RYR3: variants seen among roughly 807,000 people sequenced by gnomAD.
RYR3 encodes ryanodine receptor 3.
A neutral mutation model predicts 584.3 loss-of-function variants in RYR3; 207 were observed. The ratio of observed to expected loss-of-function variants is 0.35; its 90% CI spans 0.32 to 0.40. The LOEUF (loss-of-function observed/expected upper bound fraction) is 0.40. Ranked by LOEUF, RYR3 falls within the 10% of genes least tolerant of loss-of-function variation. The probability of loss-of-function intolerance (pLI) is 1.00; values close to 1 mark genes in which losing one functional copy is unlikely to be tolerated. For missense variants in RYR3, 5,616 were observed against 6,089.2 expected (o/e 0.92, Z 2.59); for synonymous variants, 2,416 against 2,248.5 (o/e 1.07, Z -2.11).
chr15:33,361,818 G>T (rs1359779053), intron 1 of RYR3, among the ~76,000 whole-genome samples: 2 of 152,190 alleles, frequency 1.3e-5, no homozygotes, highest in African/African-American at 4.8e-5. Context: ...TACTCCCAGT[G>T]ACTTGAAGCT....
chr15:33,672,731 T>C (rs928515127), intron 38 of RYR3, among the ~76,000 whole-genome samples: 1 of 152,242 alleles, frequency 6.6e-6, no homozygotes, highest in Non-Finnish European at 1.5e-5. Context: ...GCGTATCTGA[T>C]TTCTATTACC....
intron 16 of RYR3, among the ~76,000 whole-genome samples, chr15:33,597,759 G>A (rs1029394575): frequency 3.3e-5 from 5 of 151,914 alleles, no homozygotes; most frequent in African/African-American, 1.2e-4. Context: ...TATAGTTTAA[G>A]AGCTTTTATT....
Position 33,820,798 on chromosome 15 carries a change from GA to G in RYR3, c.10807del (p.Thr3603HisfsTer31). On this transcript the variant is annotated frameshift_variant, in exon 78 of 104. Coordinates refer to ENST00000634891, the MANE Select transcript of RYR3 (RefSeq NM_001036.6). LOFTEE classifies it high-confidence loss of function. ...GEDEEEDEDK[E>X]KTFEEKEMEK... ...GGATGAAGAAGAAGATGAAGACAAGGAAAAAACATTCGAAGTAAGTTCTCAT... is the reference window on the plus strand; with the variant it reads ...GGATGAAGAAGAAGATGAAGACAAGGAAAAACATTCGAAGTAAGTTCTCAT... 6.2e-7 allele frequency: 1 copy of G among 1,600,224 alleles called. No homozygotes were observed. The highest frequency in any genetic ancestry group is 8.5e-7 in the Non-Finnish European group (1 of 1,173,154).
intron 1 of RYR3, among the ~76,000 whole-genome samples, chr15:33,466,281 A>T (rs995486753): frequency 2.0e-5 from 3 of 152,210 alleles, no homozygotes; most frequent in African/African-American, 7.2e-5. Flanking sequence ...AACCAAGGAG[A>T]CTGAGTATGA....
At chr15:33,455,198 G>A (rs2047448353) in intron 1 of RYR3, among the ~76,000 whole-genome samples, 1 of 152,184 alleles carries the variant, frequency 6.6e-6, no homozygotes, top group South Asian at 2.1e-4. Context: ...TCACCGTGCA[G>A]GGAGGGCAGA....
chr15:33,530,520 T>TTATATA, intron 3 of RYR3, 72 bp from the exon 4 acceptor site: 1 of 1,023,138 alleles, frequency 9.8e-7, no homozygotes. Context: ...TCTCCCAGAA[T>TTATATA]TATTGTGTTG....
At chr15:33,655,516 A>T (rs1295403244) in intron 32 of RYR3, among the ~76,000 whole-genome samples, 1 of 152,214 alleles carries the variant, frequency 6.6e-6, no homozygotes, top group East Asian at 1.9e-4. Flanking sequence ...GGACACTGTG[A>T]CAGCTTTAGC....
chr15:33,350,673 C>T (rs1018018769), intron 1 of RYR3, among the ~76,000 whole-genome samples: 3 of 151,816 alleles, frequency 2.0e-5, no homozygotes, highest in South Asian at 4.2e-4. Flanking sequence ...GGGTACATAA[C>T]GAAATGAAGG....
rs118069640 is a variant in RYR3 at position 33,728,287 on chromosome 15, A to G, written c.7034-570A>G. On this transcript the variant is annotated intron_variant, in intron 46 of 103. Coordinates refer to ENST00000634891, the MANE Select transcript of RYR3 (RefSeq NM_001036.6). ...GAAAATGGACATGGCACACCATTAGATTGTATTCCTAACACACAAATACAA... is the reference window on the plus strand; with the variant it reads ...GAAAATGGACATGGCACACCATTAGGTTGTATTCCTAACACACAAATACAA... Among the ~76,000 whole-genome samples, 3 of 152,204 alleles carry G rather than the reference A, an allele frequency of 2.0e-5. 1 individual carries two copies. The highest frequency in any genetic ancestry group is 2.0e-4 in the Admixed American group (3 of 15,292).
At chr15:33,713,457 G>A (rs1240469277) in intron 43 of RYR3, among the ~76,000 whole-genome samples, 1 of 151,834 alleles carries the variant, frequency 6.6e-6, no homozygotes, top group Non-Finnish European at 1.5e-5. Flanking sequence ...GGTGGTGCAT[G>A]GTCATATAGG....
chr15:33,343,508 A>T (rs1270695007), intron 1 of RYR3, among the ~76,000 whole-genome samples: 1 of 151,894 alleles, frequency 6.6e-6, no homozygotes, highest in Non-Finnish European at 1.5e-5. Flanking sequence ...CCGCAGTTTG[A>T]TTTCCCAGAT....
Position 33,339,355 on chromosome 15 carries a change from G to A in RYR3, c.51+28259G>A, listed in dbSNP as rs573771775. Among the ~76,000 whole-genome samples the A allele has an allele frequency of 3.9e-5, 6 of 152,316 alleles. No individual in the cohort carries two copies. The South Asian group carries it at 1.2e-3, about 32-fold the overall frequency. ...TGCCCGTATTTTGGAGAGGATGAAA[G>A]ACTAAGGCCAGTGACCAGGGAACGA... On this transcript the variant is annotated intron_variant, in intron 1 of 103. Coordinates refer to ENST00000634891, the MANE Select transcript of RYR3 (RefSeq NM_001036.6).
intron 29 of RYR3, 41 bp from the exon 30 acceptor site, chr15:33,647,383 A>G: frequency 1.3e-6 from 2 of 1,555,718 alleles, no homozygotes; most frequent in Non-Finnish European, 1.8e-6. Flanking sequence ...GGGATTCTCA[A>G]TACAGCTGAA....
Position 33,788,455 on chromosome 15 carries a change from A to G in RYR3, c.9827A>G (p.Asn3276Ser), listed in dbSNP as rs2074879453. 4.3e-6 allele frequency: 7 copies of G among 1,613,548 alleles called. No individual in the cohort carries two copies. Among genetic ancestry groups the G allele is most frequent in the South Asian group, 1.1e-5 (1 of 91,076 alleles). Residue 3276 changes from asparagine to serine, a missense_variant, in exon 67 of 104, where the codon AAC becomes AGC. Asn to Ser is a conservative substitution (Grantham distance 46, BLOSUM62 1). Around this residue, in one of 9 missense-constraint regions of RYR3, gnomAD observed 954 missense variants for 1,132.2 expected, o/e 0.84. Coordinates refer to ENST00000634891, the MANE Select transcript of RYR3 (RefSeq NM_001036.6). Reference sequence around the variant, plus strand: ...ATGCTGATCCGCTACGTGGACAACAACAGGTACGGAGGAGAGCACTAGGAG... The same window carrying G: ...ATGCTGATCCGCTACGTGGACAACAGCAGGTACGGAGGAGAGCACTAGGAG... ...YPMLIRYVDNNRSNWLKSPDA... is the reference protein window; with the variant it reads ...YPMLIRYVDNSRSNWLKSPDA...
chr15:33,698,676 G>GA (rs1356263985), intron 40 of RYR3, among the ~76,000 whole-genome samples: 1 of 151,990 alleles, frequency 6.6e-6, no homozygotes, highest in African/African-American at 2.4e-5. Flanking sequence ...TGCTACTGGG[G>GA]AGGGGGTGGG....
At chr15:33,606,161 C>T (rs1321191774) in intron 18 of RYR3, among the ~76,000 whole-genome samples, 2 of 151,968 alleles carry the variant, frequency 1.3e-5, no homozygotes, top group African/African-American at 4.8e-5. Flanking sequence ...CTTAATGTTT[C>T]TTTTTTTTAT....
intron 1 of RYR3, among the ~76,000 whole-genome samples, chr15:33,317,609 C>T (rs1013617095): frequency 1.3e-5 from 2 of 152,302 alleles, no homozygotes; most frequent in Admixed American, 6.5e-5. Context: ...CAGCCCTGAT[C>T]CTGCTACAGG....
chr15:33,829,708 C>T (rs539720455), intron 85 of RYR3, among the ~76,000 whole-genome samples: 12 of 150,658 alleles, frequency 8.0e-5, no homozygotes, highest in South Asian at 2.1e-4. Context: ...AGCCAGATTG[C>T]GCCGCTGCAC....
chr15:33,838,804 C>G lies in RYR3; in HGVS notation c.12824C>G (p.Thr4275Arg). The G allele has an allele frequency of 1.2e-6, 2 of 1,613,886 alleles. No homozygotes were observed. The highest frequency in any genetic ancestry group is 1.7e-6 in the Non-Finnish European group (2 of 1,179,844). The part of the protein sequence containing the change: ...VHFIKGEKGD[T>R]DIMSDLFGLH... ...TTCATAAAGGGGGAGAAGGGAGATA[C>G]AGATATCATGTCAGACCTCTTTGGA... The change falls in exon 89 of 104, where the codon ACA becomes AGA. Residue 4275 changes from threonine to arginine, a missense_variant. Coordinates refer to ENST00000634891, the MANE Select transcript of RYR3 (RefSeq NM_001036.6).
Sources: gnomAD v4.1 joint callset for allele counts (sites outside exome capture counted in the v4.1 genomes callset) on GRCh38, gnomAD v4.1.1 for gene constraint, gnomAD v4.1.1 regional missense constraint, MANE v1.5 for transcripts, NCBI Gene and HGNC (gene_info 2026-07-23, HGNC 2026-07-21) for gene names.